TRAPPC11: variants seen among roughly 807,000 people sequenced by gnomAD.
The protein encoded by TRAPPC11 is foie gras homolog.
Under a neutral mutation model 151.2 loss-of-function variants are expected in TRAPPC11, and 104 were observed. The ratio of observed to expected loss-of-function variants is 0.69; its 90% CI spans 0.59 to 0.81. TRAPPC11 has a LOEUF of 0.81. Ranked by LOEUF, TRAPPC11 falls within the 30% of genes least tolerant of loss-of-function variation. The pLI, the probability that TRAPPC11 is intolerant of heterozygous loss-of-function variation, is 0.00. For missense variants in TRAPPC11, 1,230 were observed against 1,349.6 expected, an observed-to-expected ratio of 0.91 and a Z score of 1.39; for synonymous variants, 456 against 472.3, an observed-to-expected ratio of 0.97 and a Z score of 0.45.
In TRAPPC11 at chr4:183,707,721, G is replaced by A. The variant is rs969569673; in HGVS notation, c.3190-686G>A. On this transcript the variant is annotated intron_variant, in intron 28 of 29. Transcript: ENST00000334690. ...AATAGAATTTTATATGAAATATGCTGTATGTTCAGGTACTGTTTTATATTT... is the reference window on the plus strand; with the variant it reads ...AATAGAATTTTATATGAAATATGCTATATGTTCAGGTACTGTTTTATATTT... 3.9e-5 allele frequency among the ~76,000 whole-genome samples: 6 copies of A among 152,142 alleles called. No homozygotes were observed. The East Asian group carries it at 9.6e-4, about 24-fold the overall frequency.
At chr4:183,663,378 C>T (rs995284937) in intron 1 of TRAPPC11, among the ~76,000 whole-genome samples, 3 of 152,152 alleles carry the variant, frequency 2.0e-5, no homozygotes, top group East Asian at 1.9e-4. Context: ...GGACTACAGG[C>T]GCCCACCACC....
intron 29 of TRAPPC11, 40 bp from the exon 30 acceptor site, chr4:183,712,560 T>G: frequency 6.3e-7 from 1 of 1,590,764 alleles, no homozygotes; most frequent in Non-Finnish European, 8.6e-7. Context: ...GTTATTATAT[T>G]ATAATTTTGT....
chr4:183,687,320 CATATAGT>C (rs1736031310), intron 18 of TRAPPC11, among the ~76,000 whole-genome samples: 1 of 148,784 alleles, frequency 6.7e-6, no homozygotes, highest in Non-Finnish European at 1.5e-5. Context: ...TATATGTACA[CATATAGT>C]ATATATATAC....
rs746120270 is a variant in TRAPPC11, at chr4:183,674,829, A to T, written c.660+17A>T. 6.9e-7 allele frequency: 1 copy of T among 1,443,660 alleles called. No individual in the cohort carries two copies. Among genetic ancestry groups the T allele is most frequent in the Non-Finnish European group, 9.6e-7 (1 of 1,044,204 alleles). The allele number at this position is 1,443,660 out of a possible 1,614,324, so 89.4% of individuals were successfully genotyped here. A position where few individuals can be genotyped will look rare whatever the true frequency, so the allele number is the denominator to read the frequency against. On this transcript the variant is annotated intron_variant, in intron 6 of 29. Transcript: ENST00000334690. ...ACACACCAGGTGCGTGATTTTTTGC[A>T]ATAATAGAAGCATTCTGGAGCGGAT...
rs774010916 is a variant in TRAPPC11 at position 183,663,963 on chromosome 4, C to G, written c.96C>G (p.Val32=). Residue 32 remains valine, a synonymous_variant, in exon 2 of 30, where the codon GTC becomes GTG. Transcript: ENST00000334690. ...GCCTGGATGTAGTTTATAATGCAGT[C>G]CATCGAGCTGTCTGGGACGCCTTCT... ...LTGLDVVYNA[V]HRAVWDAFCA... is the part of the protein sequence containing the mutation. 6.2e-7 allele frequency: 1 copy of G among 1,614,056 alleles called. No homozygotes were observed. Among genetic ancestry groups the G allele is most frequent in the Non-Finnish European group, 8.5e-7 (1 of 1,180,006 alleles).
At position 183,684,234 on chromosome 4, in the gene TRAPPC11, A is replaced by G. The variant is rs1225827649; in HGVS notation, c.1366+11A>G. 1.2e-6 allele frequency: 2 copies of G among 1,613,712 alleles called. No individual in the cohort carries two copies. Among genetic ancestry groups the G allele is most frequent in the Admixed American group, 1.7e-5 (1 of 60,026 alleles). On this transcript the variant is annotated intron_variant, in intron 13 of 29. Coordinates refer to ENST00000334690, the MANE Select transcript of TRAPPC11 (RefSeq NM_021942.6). ...TGAAAAGTCACCTAAGTATGTATCC[A>G]CAAACGTCACCATTGCATGCAACTT...
At chr4:183,675,955 A>G (rs1310082135) in intron 7 of TRAPPC11, among the ~76,000 whole-genome samples, 2 of 152,178 alleles carry the variant, frequency 1.3e-5, no homozygotes, top group Non-Finnish European at 2.9e-5. Context: ...TTGAAGACAA[A>G]GGTATTAAAA....
At chr4:183,698,741 G>A (rs1334386002) in intron 25 of TRAPPC11, among the ~76,000 whole-genome samples, 1 of 152,030 alleles carries the variant, frequency 6.6e-6, no homozygotes, top group Non-Finnish European at 1.5e-5. Flanking sequence ...TGGTTCTCTT[G>A]TTCTTTCTCT....
intron 25 of TRAPPC11, among the ~76,000 whole-genome samples, chr4:183,700,161 A>G (rs1736735302): frequency 6.6e-6 from 1 of 152,176 alleles, no homozygotes; most frequent in Non-Finnish European, 1.5e-5. Context: ...ACTTCTTACA[A>G]TTAAGGAGAA....
chr4:183,689,085 GT>G (rs999567940), intron 18 of TRAPPC11, among the ~76,000 whole-genome samples: 3 of 152,102 alleles, frequency 2.0e-5, no homozygotes, highest in African/African-American at 7.2e-5. Flanking sequence ...TATTCTTAAA[GT>G]TTTAAGAAAC....
Position 183,677,548 on chromosome 4 carries a change from C to T in TRAPPC11, c.825C>T (p.Asn275=), listed in dbSNP as rs1467851188. 1.3e-6 allele frequency: 2 copies of T among 1,532,762 alleles called. No homozygotes were observed. Among genetic ancestry groups the T allele is most frequent in the East Asian group, 2.3e-5 (1 of 44,400 alleles). The allele number at this position is 1,532,762 out of a possible 1,614,324, so 94.9% of individuals were successfully genotyped here. A position where few individuals can be genotyped will look rare whatever the true frequency, so the allele number is the denominator to read the frequency against. ...TTAAGACTATGGCAGGATTTATAAA[C>T]TACAAGGTAATAATTCTGCTTCCAA... ...LEIKTMAGFI[N]YKICRLCFQH... The change falls in exon 8 of 30, where the codon AAC becomes AAT. Residue 275 remains asparagine, a synonymous_variant. Coordinates refer to ENST00000334690, the MANE Select transcript of TRAPPC11 (RefSeq NM_021942.6).
chr4:183,712,667 G>GT lies in TRAPPC11; in HGVS notation c.*25dup. The GT allele has an allele frequency of 6.2e-7, 1 of 1,613,216 alleles. No individual in the cohort carries two copies. Among genetic ancestry groups the GT allele is most frequent in the Non-Finnish European group, 8.5e-7 (1 of 1,179,234 alleles). On this transcript the variant is annotated 3_prime_UTR_variant, in exon 30 of 30. Transcript: ENST00000334690. ...TGATGTTCAAGACCGGCCCTTGGCTGTTGTTACAGAGATGTTGGGCAGAGC... is the reference window on the plus strand; with the variant it reads ...TGATGTTCAAGACCGGCCCTTGGCTGTTTGTTACAGAGATGTTGGGCAGAGC...
intron 19 of TRAPPC11, among the ~76,000 whole-genome samples, chr4:183,691,990 A>G (rs1015035475): frequency 3.9e-5 from 6 of 152,192 alleles, no homozygotes; most frequent in African/African-American, 9.7e-5. Context: ...GATCTAAGTA[A>G]TATCTTTATT....
In TRAPPC11 at chr4:183,663,834, A is replaced by G; in HGVS notation, c.-21-13A>G. On this transcript the variant is annotated splice_polypyrimidine_tract_variant and intron_variant, in intron 1 of 29. Transcript: ENST00000334690. ...AAAAATTAATTATGAATGTATTAACATTTGTATTTCAGGTTTTTTGTGACA... is the reference window on the plus strand; with the variant it reads ...AAAAATTAATTATGAATGTATTAACGTTTGTATTTCAGGTTTTTTGTGACA... 1 of 1,566,822 alleles carries G rather than the reference A, an allele frequency of 6.4e-7. No individual in the cohort carries two copies.
chr4:183,666,033 T>C (rs1304130293), intron 2 of TRAPPC11, among the ~76,000 whole-genome samples: 1 of 152,076 alleles, frequency 6.6e-6, no homozygotes, highest in Non-Finnish European at 1.5e-5. Context: ...TAGAAACTCT[T>C]TGGCTTCAGT....
At chr4:183,680,042 T>A (rs10022122) in intron 9 of TRAPPC11, 78 bp from the exon 10 acceptor site, 1 of 1,292,414 alleles carries the variant, frequency 7.7e-7, no homozygotes, top group Middle Eastern at 2.0e-4. Flanking sequence ...TGAGGTTAAG[T>A]TTCCCAGGAT....
At chr4:183,701,395 C>T (rs565154981) in intron 25 of TRAPPC11, 11 of 213,622 alleles carry the variant, frequency 5.1e-5, no homozygotes, top group Admixed American at 1.6e-4. Flanking sequence ...GAAAAACAAT[C>T]ACCGTAAGAT....
intron 11 of TRAPPC11, among the ~76,000 whole-genome samples, chr4:183,683,340 A>C (rs1217615270): frequency 6.6e-6 from 1 of 152,188 alleles, no homozygotes; most frequent in East Asian, 1.9e-4. Context: ...TTTATACGTA[A>C]TTTAATTCAA....
rs373268919 is a variant in TRAPPC11, at chr4:183,686,758, C to T, written c.1893+10C>T. On this transcript the variant is annotated intron_variant, in intron 18 of 29. Coordinates refer to ENST00000334690, the MANE Select transcript of TRAPPC11 (RefSeq NM_021942.6). The stretch of plus-strand genomic sequence containing the variant: ...CAGCTTTAATAATCAGGTAATGATG[C>T]CATGTCATGTGTTTTTACCACGTTT... The T allele has an allele frequency of 8.9e-5, 143 of 1,612,806 alleles. No individual in the cohort carries two copies. The highest frequency in any genetic ancestry group is 1.2e-4 in the African/African-American group (9 of 74,802).
Sources: allele counts gnomAD v4.1 joint callset (sites outside exome capture counted in the v4.1 genomes callset), GRCh38; gene constraint gnomAD v4.1.1; transcripts MANE v1.5; gene names NCBI Gene and HGNC (gene_info 2026-07-23, HGNC 2026-07-21).